CHEK2: variants seen among roughly 807,000 people sequenced by gnomAD.
CHEK2 encodes the protein checkpoint kinase 2, also known as serine/threonine-protein kinase Chk2.
CHEK2 carries 71 observed loss-of-function variants against 69.1 expected under a neutral mutation model. The observed-to-expected ratio is 1.03, with a 90% CI of 0.85 to 1.25. The LOEUF (loss-of-function observed/expected upper bound fraction) is 1.25. Among genes scored for constraint, CHEK2 ranks in the 50% most tolerant of loss-of-function variants. The pLI is 0.00. For missense variants in CHEK2, 664 were observed against 649.6 expected, an observed-to-expected ratio of 1.02 and a Z score of -0.24; for synonymous variants, 189 against 226.9, an observed-to-expected ratio of 0.83 and a Z score of 1.50.
intron 1 of CHEK2, chr22:28,737,980 T>G (rs1203603379): frequency 6.6e-6 from 1 of 152,292 alleles, no homozygotes; most frequent in Non-Finnish European, 1.5e-5. Context: ...CCAACGCAGG[T>G]AGATTGCTTG....
chr22:28,733,597 G>C (rs2054279728), intron 2 of CHEK2, among the ~76,000 whole-genome samples: 1 of 152,120 alleles, frequency 6.6e-6, no homozygotes, highest in Non-Finnish European at 1.5e-5. Flanking sequence ...GGGTCTGAAG[G>C]CAGGGAATCT....
rs2052528493 is a variant in CHEK2 at position 28,695,258 on chromosome 22, G to C, written c.1260-16C>G. The C allele has an allele frequency of 7.1e-7, 1 of 1,412,086 alleles. No individual in the cohort carries two copies. The highest frequency in any genetic ancestry group is 1.7e-5 in the Admixed American group (1 of 59,608). The allele number at this position is 1,412,086 out of a possible 1,614,324, so 87.5% of individuals were successfully genotyped here. On this transcript the variant is annotated splice_polypyrimidine_tract_variant and intron_variant, in intron 11 of 14. Transcript: ENST00000404276. ...CCCACTAAGGCTTAATATTGGTAGA[G>C]AGAGAAAGGAAAAGAAATCAAGTGG...
rs1014732197 is a variant in CHEK2, at chr22:28,722,570, G to C, written c.592+2407C>G. ...AAAAAAAAAAAAAAAGAAAAGAAAA[G>C]AAAAGAAAACAAAATAGTCAAAATA... On this transcript the variant is annotated intron_variant, in intron 4 of 14. Coordinates refer to ENST00000404276, the MANE Select transcript of CHEK2 (RefSeq NM_007194.4). Among the ~76,000 whole-genome samples, 5 of 145,410 alleles carry C rather than the reference G, an allele frequency of 3.4e-5. 1 individual carries two copies. The highest frequency in any genetic ancestry group is 4.3e-4 in the South Asian group (2 of 4,598).
rs192091364 is a variant in CHEK2, at chr22:28,708,902, G to A, written c.846+1104C>T. The A allele has an allele frequency of 3.7e-5, 12 of 323,686 alleles. No individual in the cohort carries two copies. The East Asian group carries it at 9.5e-4, about 26-fold the overall frequency. 20.1% of individuals were successfully genotyped at this position (323,686 alleles called of 1,614,324 possible). A position where few individuals can be genotyped will look rare whatever the true frequency, so the allele number is the denominator to read the frequency against. ...CGGGAGGTGGAGCTTGCAGTGAGCCGAGATTGCGCCACTGTACTCCAGCCT... is the reference window on the plus strand; with the variant it reads ...CGGGAGGTGGAGCTTGCAGTGAGCCAAGATTGCGCCACTGTACTCCAGCCT... On this transcript the variant is annotated intron_variant, in intron 7 of 14. Coordinates refer to ENST00000404276, the MANE Select transcript of CHEK2 (RefSeq NM_007194.4).
At chr22:28,721,432 G>C in intron 4 of CHEK2, 2 of 295,416 alleles carry the variant, frequency 6.8e-6, no homozygotes. Flanking sequence ...GATTACAGGC[G>C]CCTGCCATCA....
chr22:28,690,666 G>A (rs1227317472), intron 13 of CHEK2, among the ~76,000 whole-genome samples: 3 of 152,002 alleles, frequency 2.0e-5, no homozygotes, highest in Admixed American at 6.6e-5. Flanking sequence ...AGCCAGACAT[G>A]GTGGCATGCA....
In CHEK2 at chr22:28,724,968, T is replaced by C. The variant is rs538351542; in HGVS notation, c.592+9A>G. On this transcript the variant is annotated intron_variant, in intron 4 of 14. Coordinates refer to ENST00000404276, the MANE Select transcript of CHEK2 (RefSeq NM_007194.4). ...AAAAATTCCAGTAACCATAAGATAA[T>C]AATATTACCTTTATTTCTGCTTAGT... 4 of 1,613,826 alleles carry C rather than the reference T, an allele frequency of 2.5e-6. No individual in the cohort carries two copies. The Admixed American group carries it at 5.0e-5, about 20-fold the overall frequency.
rs776271158 is a variant in CHEK2, at chr22:28,734,473, T to C, written c.249A>G (p.Gln83=). ...SIPEDQEPED[Q]EPEEPTPAPW... is the part of the protein sequence containing the mutation. ...GGGCAGGGGTAGGCTCCTCAGGTTC[T>C]TGGTCCTCAGGTTCTTGGTCCTCAG... The change falls in exon 2 of 15, where the codon CAA becomes CAG. Residue 83 remains glutamine (Q), a synonymous_variant. Transcript: ENST00000404276. 9.3e-6 allele frequency: 15 copies of C among 1,613,694 alleles called. No individual in the cohort carries two copies. Among genetic ancestry groups the C allele is most frequent in the Non-Finnish European group, 1.3e-5 (15 of 1,179,756 alleles).
At position 28,702,857 on chromosome 22, in the gene CHEK2, T is replaced by C. The variant is rs1164414082; in HGVS notation, c.908+648A>G. 5.9e-5 allele frequency among the ~76,000 whole-genome samples: 9 copies of C among 152,302 alleles called. No homozygotes were observed. The East Asian group carries it at 1.7e-3, about 29-fold the overall frequency. ...CCACTGCACCTGGCCCTGGATACTT[T>C]AAATAATCTCTAAAATACTTACAAA... On this transcript the variant is annotated intron_variant, in intron 8 of 14. Transcript: ENST00000404276.
At position 28,695,150 on chromosome 22, in the gene CHEK2, A is replaced by T. The variant is rs139088611; in HGVS notation, c.1352T>A (p.Val451Asp). ...TSGKYNFIPEVWAEVSEKALD... is the reference protein window; with the variant it reads ...TSGKYNFIPEDWAEVSEKALD... ...ACCTTTCTCTGAGACTTCTGCCCAGACTTCAGGAATGAAGTTGTATTTTCC... is the reference window on the plus strand; with the variant it reads ...ACCTTTCTCTGAGACTTCTGCCCAGTCTTCAGGAATGAAGTTGTATTTTCC... The change falls in exon 12 of 15, where the codon GTC becomes GAC. Residue 451 changes from valine (V) to aspartate (D), a missense_variant. Coordinates refer to ENST00000404276, the MANE Select transcript of CHEK2 (RefSeq NM_007194.4). The T allele has an allele frequency of 1.2e-6, 2 of 1,611,664 alleles. No individual in the cohort carries two copies. Among genetic ancestry groups the T allele is most frequent in the South Asian group, 2.2e-5 (2 of 91,016 alleles).
intron 8 of CHEK2, among the ~76,000 whole-genome samples, chr22:28,700,211 C>CTTT (rs1188199517): frequency 1.6e-5 from 2 of 128,022 alleles, no homozygotes; most frequent in Non-Finnish European, 3.4e-5. Flanking sequence ...CCAGGAGTTG[C>CTTT]TTTTTTTTTT....
chr22:28,721,711 A>G (rs1231830352), intron 4 of CHEK2: 1 of 414,862 alleles, frequency 2.4e-6, no homozygotes, highest in Non-Finnish European at 4.9e-6. Context: ...TACATATTTG[A>G]AAACATGTTG....
intron 9 of CHEK2, among the ~76,000 whole-genome samples, chr22:28,698,228 T>TACAAAAAAAAAAAA (rs1893223070): frequency 1.2e-5 from 1 of 81,900 alleles, no homozygotes; most frequent in Non-Finnish European, 2.5e-5. Flanking sequence ...CTATCTTTAC[T>TACAAAAAAAAAAAA]AAAAAAAAAA....
intron 2 of CHEK2, chr22:28,729,214 C>A: frequency 4.5e-6 from 1 of 221,792 alleles, no homozygotes; most frequent in Non-Finnish European, 9.4e-6. Context: ...CTAAATCCAG[C>A]AACACATAAA....
At position 28,734,660 on chromosome 22, in the gene CHEK2, G is replaced by A. The variant is rs1569171601; in HGVS notation, c.62C>T (p.Pro21Leu). 6.2e-7 allele frequency: 1 copy of A among 1,613,644 alleles called. No homozygotes were observed. The highest frequency in any genetic ancestry group is 1.3e-5 in the African/African-American group (1 of 74,822). Residue 21 changes from proline to leucine, a missense_variant, in exon 2 of 15, where the codon CCC becomes CTC. By Grantham distance (98) the Pro-to-Leu change is moderately conservative. Transcript: ENST00000404276. ...TTGGGACTGGGTAACGCTGCCATGGGGCTGTGAACAGGCACTGCTGCCATG... is the reference window on the plus strand; with the variant it reads ...TTGGGACTGGGTAACGCTGCCATGGAGCTGTGAACAGGCACTGCTGCCATG... The part of the protein sequence containing the change: ...QSHGSSACSQ[P>L]HGSVTQSQGS...
chr22:28,694,913 T>G (rs922324237), intron 12 of CHEK2, among the ~76,000 whole-genome samples: 4 of 152,182 alleles, frequency 2.6e-5, no homozygotes, highest in African/African-American at 9.7e-5. Context: ...GTTAAATAAC[T>G]TGCCTAAGGC....
At chr22:28,741,093 T>C (rs1178739757) in intron 1 of CHEK2, among the ~76,000 whole-genome samples, 1 of 133,928 alleles carries the variant, frequency 7.5e-6, no homozygotes, top group Non-Finnish European at 1.5e-5. Context: ...GAAGTTGCAG[T>C]GAGCCCAGAT....
intron 1 of CHEK2, among the ~76,000 whole-genome samples, chr22:28,738,246 T>G (rs146487501): frequency 6.6e-5 from 10 of 152,210 alleles, no homozygotes; most frequent in African/African-American, 2.4e-4. Flanking sequence ...TGAGTTTTCT[T>G]TAAAACATAC....
chr22:28,698,228 T>TAAAAAAAAAAAAAAAAA lies in CHEK2; in HGVS notation c.1009-1258_1009-1242dup, dbSNP rs398040472. Among the ~76,000 whole-genome samples the TAAAAAAAAAAAAAAAAA allele has an allele frequency of 7.1e-4, 58 of 81,856 alleles. 4 individuals carry two copies. Among genetic ancestry groups the TAAAAAAAAAAAAAAAAA allele is most frequent in the South Asian group, 2.2e-3 (3 of 1,382 alleles). The allele number at this position is 81,856 out of a possible 152,430, so 53.7% of individuals were successfully genotyped here. A position where few individuals can be genotyped will look rare whatever the true frequency, so the allele number is the denominator to read the frequency against. ...CAACATGGTGAAACCCTATCTTTACTAAAAAAAAAAAAAAAAAAATTAGCT... is the reference window on the plus strand; with the variant it reads ...CAACATGGTGAAACCCTATCTTTACTAAAAAAAAAAAAAAAAAAAAAAAAAAAAAAAAAAAATTAGCT... On this transcript the variant is annotated intron_variant, in intron 9 of 14. Coordinates refer to ENST00000404276, the MANE Select transcript of CHEK2 (RefSeq NM_007194.4).
Sources: gnomAD v4.1 joint callset for allele counts (sites outside exome capture counted in the v4.1 genomes callset) on GRCh38, gnomAD v4.1.1 for gene constraint, MANE v1.5 for transcripts, NCBI Gene and HGNC (gene_info 2026-07-23, HGNC 2026-07-21) for gene names.